The following KMT2C variants were observed in gnomAD, a reference collection of about 807,000 sequenced individuals.
KMT2C encodes lysine methyltransferase 2C.
Under a neutral mutation model 507.9 loss-of-function variants are expected in KMT2C, and 88 were observed. The ratio of observed to expected loss-of-function variants is 0.17; its 90% CI spans 0.15 to 0.21. KMT2C has a LOEUF of 0.21. Among genes scored for constraint, KMT2C ranks in the 10% least tolerant of loss-of-function variants. The probability of loss-of-function intolerance (pLI) is 1.00; values close to 1 mark genes in which losing one functional copy is unlikely to be tolerated. For missense variants in KMT2C, 4,954 were observed against 5,957.8 expected, an observed-to-expected ratio of 0.83 and a Z score of 5.55; for synonymous variants, 2,049 against 2,080.8, an observed-to-expected ratio of 0.98 and a Z score of 0.42.
Position 152,150,785 on chromosome 7 carries a change from T to G in KMT2C, c.12774+115A>C, listed in dbSNP as rs1013696018. 7 of 721,882 alleles carry G rather than the reference T, an allele frequency of 9.7e-6. No homozygotes were observed. In the African/African-American group the frequency reaches 1.3e-4, roughly 13 times the overall value. The allele number at this position is 721,882 out of a possible 1,614,324, so 44.7% of individuals were successfully genotyped here. On this transcript the variant is annotated intron_variant, in intron 51 of 58. Transcript: ENST00000262189. ...CTGCCGGGTCAGCACCTGCTTTGGA[T>G]TCCCCACACAGAGCTCCATGAAGGC...
intron 16 of KMT2C, among the ~76,000 whole-genome samples, chr7:152,234,721 T>TGA: frequency 6.6e-6 from 1 of 152,166 alleles, no homozygotes; most frequent in Admixed American, 6.5e-5. Flanking sequence ...GACAACATAG[T>TGA]GAGATGCTGT....
intron 31 of KMT2C, among the ~76,000 whole-genome samples, chr7:152,189,631 C>T (rs528589131): frequency 2.7e-4 from 41 of 152,242 alleles, no homozygotes; most frequent in African/African-American, 9.9e-4. Context: ...TGTGCAGATA[C>T]TAAGGATGAT....
At chr7:152,388,147 TATA>T (rs1023112984) in intron 1 of KMT2C, among the ~76,000 whole-genome samples, 1 of 152,024 alleles carries the variant, frequency 6.6e-6, no homozygotes, top group Non-Finnish European at 1.5e-5. Context: ...TGTAACCTCT[TATA>T]ATGAATATAT....
rs900510100 is a variant in KMT2C at position 152,177,928 on chromosome 7, C to T, written c.7525G>A (p.Gly2509Arg). The change falls in exon 38 of 59, where the codon GGA (glycine) becomes AGA (arginine). Residue 2509 changes from glycine to arginine, a missense_variant. Physicochemically the swap from Gly to Arg is moderately radical, Grantham distance 125. This residue lies in a region of KMT2C where 1,689 missense variants were observed against 1,654.3 expected (regional missense o/e 1.02). Coordinates refer to ENST00000262189, the MANE Select transcript of KMT2C (RefSeq NM_170606.3). ...GATCTTCTTAGCTGTGGAGAAACTC[C>T]AGATCCCTGTATTTGCTGAGGAGGC... ...LVPPQQIQGS[G>R]VSPQLRRSVS... 7 of 1,606,984 alleles carry T rather than the reference C, an allele frequency of 4.4e-6. No homozygotes were observed. Among genetic ancestry groups the T allele is most frequent in the Non-Finnish European group, 5.1e-6 (6 of 1,178,994 alleles).
At chr7:152,336,588 C>T (rs779377536) in intron 2 of KMT2C, among the ~76,000 whole-genome samples, 1 of 152,282 alleles carries the variant, frequency 6.6e-6, no homozygotes, top group Middle Eastern at 3.4e-3. Flanking sequence ...CTATCCTATG[C>T]TTTGCCTAAA....
At position 152,163,110 on chromosome 7, in the gene KMT2C, T is replaced by C. The variant is rs1282281845; in HGVS notation, c.10467A>G (p.Gln3489=). 5.6e-6 allele frequency: 9 copies of C among 1,614,132 alleles called. No individual in the cohort carries two copies. Among genetic ancestry groups the C allele is most frequent in the Admixed American group, 5.0e-5 (3 of 60,012 alleles). ...MGQVLQQQNI[Q]QGSINSPSTQ... The stretch of plus-strand genomic sequence containing the variant: ...TGGAGGGTGAATTAATTGATCCTTG[T>C]TGTATATTCTGCTGCTGTAAAACCT... Residue 3489 remains glutamine, a synonymous_variant, in exon 43 of 59, where the codon CAA becomes CAG. Transcript: ENST00000262189.
In KMT2C at chr7:152,252,044, T is replaced by C. The variant is rs778948906; in HGVS notation, c.1516A>G (p.Thr506Ala). 3 of 1,612,362 alleles carry C rather than the reference T, an allele frequency of 1.9e-6. No homozygotes were observed. Among genetic ancestry groups the C allele is most frequent in the Non-Finnish European group, 2.5e-6 (3 of 1,179,114 alleles). ...CDKPTDHELDTQLKEEYICMY... is the reference protein window; with the variant it reads ...CDKPTDHELDAQLKEEYICMY... ...CAGATATACTCTTCTTTGAGCTGAGTATCCAGTTCATGATCTGTTGGTTTG... is the reference window on the plus strand; with the variant it reads ...CAGATATACTCTTCTTTGAGCTGAGCATCCAGTTCATGATCTGTTGGTTTG... Residue 506 changes from threonine (T) to alanine (A), a missense_variant, in exon 11 of 59, where the codon ACT becomes GCT. By Grantham distance (58) the Thr-to-Ala change is moderately conservative. Transcript: ENST00000262189.
chr7:152,330,925 A>C (rs1346863095), intron 2 of KMT2C, among the ~76,000 whole-genome samples, 186 bp from the exon 3 acceptor site: 1 of 152,220 alleles, frequency 6.6e-6, no homozygotes, highest in Non-Finnish European at 1.5e-5. Context: ...CTACCGCAAA[A>C]TGATTATCAA....
intron 3 of KMT2C, 151 bp from the exon 4 acceptor site, chr7:152,315,489 C>G (rs369467543): frequency 2.6e-5 from 15 of 579,852 alleles, no homozygotes; most frequent in African/African-American, 2.4e-4. Context: ...TCAGTGATTA[C>G]CCATAAGAAC....
intron 46 of KMT2C, among the ~76,000 whole-genome samples, chr7:152,155,273 AC>A (rs2091962309): frequency 6.6e-6 from 1 of 152,204 alleles, no homozygotes; most frequent in African/African-American, 2.4e-5. Flanking sequence ...AAAGTAAGGG[AC>A]TTAGGTTAAA....
chr7:152,302,933 C>A (rs2096583465), intron 6 of KMT2C, among the ~76,000 whole-genome samples: 1 of 152,032 alleles, frequency 6.6e-6, no homozygotes, highest in African/African-American at 2.4e-5. Context: ...CATGAGACGC[C>A]GCGCCTGGCC....
rs746430166 is a variant in KMT2C at position 152,187,438 on chromosome 7, G to T, written c.4832C>A (p.Pro1611His). Residue 1611 changes from proline to histidine, a missense_variant, in exon 33 of 59, where the codon CCT becomes CAT. Around this residue, in one of 29 missense-constraint regions of KMT2C, gnomAD observed 195 missense variants for 183.7 expected, o/e 1.06. Coordinates refer to ENST00000262189, the MANE Select transcript of KMT2C (RefSeq NM_170606.3). ...NSAFNPMASDPNNSWTSSAPT... is the reference protein window; with the variant it reads ...NSAFNPMASDHNNSWTSSAPT... ...AGCTGATGATGTCCAAGAGTTGTTA[G>T]GATCACTTGCCATTGGATTAAAGGC... 1 of 1,613,990 alleles carries T rather than the reference G, an allele frequency of 6.2e-7. No homozygotes were observed. The highest frequency in any genetic ancestry group is 1.1e-5 in the South Asian group (1 of 91,076).
intron 1 of KMT2C, among the ~76,000 whole-genome samples, chr7:152,433,377 G>A (rs1404982455): frequency 6.6e-6 from 1 of 152,056 alleles, no homozygotes; most frequent in East Asian, 1.9e-4. Context: ...CAACTACAGG[G>A]TCTTTTCTGC....
chr7:152,325,753 C>A (rs996213861), intron 3 of KMT2C, among the ~76,000 whole-genome samples: 1 of 152,062 alleles, frequency 6.6e-6, no homozygotes. Flanking sequence ...GCCAATCAAC[C>A]CTTTTCTATA....
intron 1 of KMT2C, among the ~76,000 whole-genome samples, chr7:152,376,778 T>C (rs534489083): frequency 6.6e-6 from 1 of 152,398 alleles, no homozygotes; most frequent in African/African-American, 2.4e-5. Flanking sequence ...AATATCTAAC[T>C]AAGATCATTG....
chr7:152,407,898 T>C (rs577523893), intron 1 of KMT2C, among the ~76,000 whole-genome samples: 205 of 152,346 alleles, frequency 1.3e-3, no homozygotes, highest in Admixed American at 3.6e-3. Flanking sequence ...TTAGTTACAT[T>C]TAAAATTTAT....
intron 33 of KMT2C, among the ~76,000 whole-genome samples, 187 bp downstream of exon 33, chr7:152,187,075 G>A (rs916007791): frequency 1.3e-5 from 2 of 152,218 alleles, no homozygotes; most frequent in African/African-American, 4.8e-5. Flanking sequence ...TGGGAAATAT[G>A]AGGATGGATG....
chr7:152,179,856 C>T lies in KMT2C; in HGVS notation c.7420G>A (p.Gly2474Arg), dbSNP rs1315727898. 1 of 1,614,000 alleles carries T rather than the reference C, an allele frequency of 6.2e-7. No individual in the cohort carries two copies. Among genetic ancestry groups the T allele is most frequent in the Non-Finnish European group, 8.5e-7 (1 of 1,179,960 alleles). Reference sequence around the variant, plus strand: ...TACCTAAATCCATGAGGTCTCATCCCCATACTAGCAACATCAGGAGGATAG... The same window carrying T: ...TACCTAAATCCATGAGGTCTCATCCTCATACTAGCAACATCAGGAGGATAG... ...GPYPPDVASM[G>R]MRPHGFRFGF... is the part of the protein sequence containing the mutation. Residue 2474 changes from glycine (G) to arginine (R), a missense_variant, in exon 37 of 59, where the codon GGG becomes AGG. By Grantham distance (125) the Gly-to-Arg change is moderately radical. Around this residue, in one of 29 missense-constraint regions of KMT2C, gnomAD observed 1,689 missense variants for 1,654.3 expected, o/e 1.02. Transcript: ENST00000262189.
At chr7:152,311,751 A>C (rs145760119) in intron 5 of KMT2C, 47 bp downstream of exon 5, 1 of 1,429,870 alleles carries the variant, frequency 7.0e-7, no homozygotes, top group Admixed American at 2.1e-5. Flanking sequence ...TAAAATTAAA[A>C]TGCTTCCAGA....
Sources: gnomAD v4.1 joint callset for allele counts (sites outside exome capture counted in the v4.1 genomes callset) on GRCh38, gnomAD v4.1.1 for gene constraint, gnomAD v4.1.1 regional missense constraint, MANE v1.5 for transcripts, NCBI Gene and HGNC (gene_info 2026-07-23, HGNC 2026-07-21) for gene names.